The following ADCY5 variants were observed in gnomAD, a reference collection of about 807,000 sequenced individuals.
ADCY5 encodes the protein adenylate cyclase 5, also known as adenylate cyclase type 5.
In ADCY5, 30 loss-of-function variants were observed where a neutral mutation model predicts 119.7. The ratio of observed to expected loss-of-function variants is 0.25; its 90% CI spans 0.19 to 0.34. The LOEUF (loss-of-function observed/expected upper bound fraction) is 0.34, where lower values mean the gene tolerates loss of function less well. ADCY5 is among the 10% of genes least tolerant of loss of function. The probability of loss-of-function intolerance (pLI) is 1.00; values close to 1 mark genes in which losing one functional copy is unlikely to be tolerated. For missense variants in ADCY5, 1,324 were observed against 1,775.2 expected, an observed-to-expected ratio of 0.75 and a Z score of 4.57; for synonymous variants, 753 against 762.2, an observed-to-expected ratio of 0.99 and a Z score of 0.20.
rs1944308434 is a variant in ADCY5 at position 123,388,668 on chromosome 3, A to T, written c.1135-36087T>A. On this transcript the variant is annotated intron_variant, in intron 1 of 20. Coordinates refer to ENST00000462833, the MANE Select transcript of ADCY5 (RefSeq NM_183357.3). ...ACAAATGCTTGAGGAGGAAAAGAAA[A>T]GAGGAGGCCAAAACAACAGACAGAG... Among the ~76,000 whole-genome samples, 2 of 152,196 alleles carry T rather than the reference A, an allele frequency of 1.3e-5. 1 individual carries two copies. Among genetic ancestry groups the T allele is most frequent in the South Asian group, 4.1e-4 (2 of 4,826 alleles).
At chr3:123,359,913 T>C (rs1013723871) in intron 1 of ADCY5, among the ~76,000 whole-genome samples, 3 of 152,176 alleles carry the variant, frequency 2.0e-5, no homozygotes, top group Non-Finnish European at 4.4e-5. Flanking sequence ...TACACAGTGG[T>C]GGTGGGAAGC....
chr3:123,389,262 C>G (rs1306535672), intron 1 of ADCY5, among the ~76,000 whole-genome samples: 1 of 152,088 alleles, frequency 6.6e-6, no homozygotes, highest in Non-Finnish European at 1.5e-5. Flanking sequence ...GCAGTGAGGG[C>G]TCAGATCGGC....
intron 1 of ADCY5, among the ~76,000 whole-genome samples, chr3:123,408,702 C>A (rs1362242998): frequency 2.0e-5 from 3 of 148,904 alleles, no homozygotes; most frequent in Non-Finnish European, 3.0e-5. Context: ...CTCGGCCGGG[C>A]ATGGTGGCTC....
At chr3:123,430,684 C>T (rs1945506675) in intron 1 of ADCY5, among the ~76,000 whole-genome samples, 1 of 152,218 alleles carries the variant, frequency 6.6e-6, no homozygotes, top group Non-Finnish European at 1.5e-5. Context: ...AGAAAGACCA[C>T]ATCACAAATC....
chr3:123,409,537 G>C (rs1222913213), intron 1 of ADCY5, among the ~76,000 whole-genome samples: 1 of 152,152 alleles, frequency 6.6e-6, no homozygotes, highest in Non-Finnish European at 1.5e-5. Flanking sequence ...ATAGGTAAGG[G>C]AAGCACCACC....
intron 1 of ADCY5, chr3:123,368,004 A>T: frequency 6.6e-7 from 1 of 1,504,226 alleles, no homozygotes; most frequent in Non-Finnish European, 8.8e-7. Context: ...GATGGAGGGG[A>T]CCATGGGCAC....
At chr3:123,348,036 A>AGTGTGTGGGTGTGTGT (rs1942642954) in intron 2 of ADCY5, 133 bp from the exon 3 acceptor site, 1 of 428,724 alleles carries the variant, frequency 2.3e-6, no homozygotes, top group African/African-American at 2.8e-5. Flanking sequence ...CTGGGTTAAC[A>AGTGTGTGGGTGTGTGT]GTGTGTGTGT....
intron 1 of ADCY5, among the ~76,000 whole-genome samples, chr3:123,403,797 C>T (rs1309364913): frequency 6.6e-6 from 1 of 152,198 alleles, no homozygotes; most frequent in Non-Finnish European, 1.5e-5. Flanking sequence ...GCATGGACCC[C>T]GGGTCCCTCC....
chr3:123,433,759 C>T (rs768163231), intron 1 of ADCY5, among the ~76,000 whole-genome samples: 1 of 152,148 alleles, frequency 6.6e-6, no homozygotes, highest in Non-Finnish European at 1.5e-5. Context: ...GCAGCCTCCT[C>T]CCTTCCCTCC....
rs985969576 is a variant in ADCY5, at chr3:123,441,150, G to A, written c.1134+6262C>T. Among the ~76,000 whole-genome samples, 4 of 152,148 alleles carry A rather than the reference G, an allele frequency of 2.6e-5. No homozygotes were observed. In the East Asian group the frequency reaches 7.7e-4, roughly 29 times the overall value. ...TTGGCCAATGATCCCAAACCTAAGA[G>A]CTGGTCATCAAAATCACCTGGGGAG... On this transcript the variant is annotated intron_variant, in intron 1 of 20. Transcript: ENST00000462833.
chr3:123,402,694 C>CA (rs776710433), intron 1 of ADCY5, among the ~76,000 whole-genome samples: 18 of 150,770 alleles, frequency 1.2e-4, no homozygotes, highest in South Asian at 1.1e-3. Context: ...ACTAAAAATA[C>CA]AAAAAAAAAT....
At chr3:123,406,906 A>G (rs988684515) in intron 1 of ADCY5, among the ~76,000 whole-genome samples, 2 of 152,114 alleles carry the variant, frequency 1.3e-5, no homozygotes, top group Non-Finnish European at 2.9e-5. Flanking sequence ...CCTGCAGGCC[A>G]AGCCGCCGCC....
Position 123,447,894 on chromosome 3 carries a change from A to C in ADCY5, c.652T>G (p.Ser218Ala). 2 of 1,611,876 alleles carry C rather than the reference A, an allele frequency of 1.2e-6. No individual in the cohort carries two copies. The highest frequency in any genetic ancestry group is 1.7e-6 in the Non-Finnish European group (2 of 1,179,226). ...AGTTTGTCCGACGGGAACTTCTTGGAGCGGAATATCTGCAGCAACGCCAGG... is the reference window on the plus strand; with the variant it reads ...AGTTTGTCCGACGGGAACTTCTTGGCGCGGAATATCTGCAGCAACGCCAGG... The part of the protein sequence containing the change: ...CCLALLQIFR[S>A]KKFPSDKLER... Residue 218 changes from serine (S) to alanine (A), a missense_variant, in exon 1 of 21, where the codon TCC (serine) becomes GCC (alanine). Transcript: ENST00000462833.
In ADCY5 at chr3:123,302,511, CCTCT is replaced by C. The variant is rs561582019; in HGVS notation, c.2724+540_2724+543del. Among the ~76,000 whole-genome samples, 724 of 152,272 alleles carry C rather than the reference CCTCT, an allele frequency of 4.8e-3. 2 individuals carry two copies. The highest frequency in any genetic ancestry group is 7.4e-3 in the Non-Finnish European group (504 of 68,028). On this transcript the variant is annotated intron_variant, in intron 14 of 20. Coordinates refer to ENST00000462833, the MANE Select transcript of ADCY5 (RefSeq NM_183357.3). The stretch of plus-strand genomic sequence containing the variant: ...ACTGGGTTCCTTTGCTCCCCTCCCT[CCTCT>C]CTAACAGCTGGGGCTTAGGTGGGTT...
At position 123,345,418 on chromosome 3, in the gene ADCY5, C is replaced by A. The variant is rs1375546769; in HGVS notation, c.1406+2364G>T. ...TGTTCCACTGAATGAGCGAAACCTG[C>A]ACAAAGCTCTGCGGAGCTGAGAGCA... is the stretch of plus-strand genomic sequence containing the variant. On this transcript the variant is annotated intron_variant, in intron 3 of 20. Coordinates refer to ENST00000462833, the MANE Select transcript of ADCY5 (RefSeq NM_183357.3). Among the ~76,000 whole-genome samples, 3 of 152,228 alleles carry A rather than the reference C, an allele frequency of 2.0e-5. 1 individual carries two copies. Among genetic ancestry groups the A allele is most frequent in the Non-Finnish European group, 2.9e-5 (2 of 68,040 alleles).
intron 19 of ADCY5, 44 bp downstream of exon 19, chr3:123,289,706 C>T (rs1350853211): frequency 1.9e-6 from 3 of 1,604,080 alleles, no homozygotes; most frequent in Non-Finnish European, 2.6e-6. Flanking sequence ...CAGCCCTCTG[C>T]CTGACTGCAC....
At position 123,286,822 on chromosome 3, in the gene ADCY5, G is replaced by C. The variant is rs745482851; in HGVS notation, c.3533-13C>G. The C allele has an allele frequency of 1.3e-6, 2 of 1,585,132 alleles. No individual in the cohort carries two copies. Among genetic ancestry groups the C allele is most frequent in the African/African-American group, 1.4e-5 (1 of 73,912 alleles). ...CCGATGTTGAGCCCTGCAGGGGACA[G>C]GAATCAGCCACAGTCATCACATCTC... On this transcript the variant is annotated splice_polypyrimidine_tract_variant and intron_variant, in intron 19 of 20. Coordinates refer to ENST00000462833, the MANE Select transcript of ADCY5 (RefSeq NM_183357.3). The surrounding 1 kb of genome is among the most constrained non-coding windows in gnomAD (Gnocchi z 4.2).
chr3:123,402,490 G>A lies in ADCY5; in HGVS notation c.1134+44922C>T, dbSNP rs543466689. Among the ~76,000 whole-genome samples, 22 of 152,296 alleles carry A rather than the reference G, an allele frequency of 1.4e-4. No homozygotes were observed. The South Asian group carries it at 4.2e-3, about 29-fold the overall frequency. On this transcript the variant is annotated intron_variant, in intron 1 of 20. Transcript: ENST00000462833. ...AAGGGGGCCCAGGAAGGCAAGCACC[G>A]GCTTCTTTTGAATCTCTCCATCCAA...
chr3:123,413,982 G>C (rs1405235444), intron 1 of ADCY5, among the ~76,000 whole-genome samples: 1 of 152,132 alleles, frequency 6.6e-6, no homozygotes, highest in East Asian at 1.9e-4. Flanking sequence ...AAGAATTTGG[G>C]GAGATGACTG....
Sources: gnomAD v4.1 joint callset for allele counts (sites outside exome capture counted in the v4.1 genomes callset) on GRCh38, gnomAD v4.1.1 for gene constraint, Gnocchi (gnomAD v3.1) non-coding constraint, MANE v1.5 for transcripts, NCBI Gene and HGNC (gene_info 2026-07-23, HGNC 2026-07-21) for gene names.